Variants in NR3C1 observed in about 807,000 individuals in gnomAD.
NR3C1 encodes nuclear receptor subfamily 3 group C member 1.
In NR3C1, 14 loss-of-function variants were observed where a neutral mutation model predicts 74.0. The observed-to-expected ratio is 0.19, with a 90% CI of 0.12 to 0.30. The LOEUF (loss-of-function observed/expected upper bound fraction) is 0.30, where lower values mean the gene tolerates loss of function less well. Among genes scored for constraint, NR3C1 ranks in the 10% least tolerant of loss-of-function variants. The pLI, the probability that NR3C1 is intolerant of heterozygous loss-of-function variation, is 1.00. For missense variants in NR3C1, 695 were observed against 909.8 expected (o/e 0.76, Z 3.04); for synonymous variants, 308 against 332.5 (o/e 0.93, Z 0.80).
upstream of NR3C1, chr5:143,405,233 G>A: frequency 1.0e-6 from 1 of 985,676 alleles, no homozygotes; most frequent in Non-Finnish European, 1.2e-6. Context: ...TAACTTTTGC[G>A]CCCCCACAGG....
chr5:143,298,323 C>G (rs1187988255), intron 6 of NR3C1, among the ~76,000 whole-genome samples: 1 of 152,200 alleles, frequency 6.6e-6, no homozygotes, highest in African/African-American at 2.4e-5. Flanking sequence ...CCCACTGAAT[C>G]CACATGAGTT....
intron 2 of NR3C1, among the ~76,000 whole-genome samples, chr5:143,369,783 A>C (rs1833933979): frequency 6.6e-6 from 1 of 152,222 alleles, no homozygotes; most frequent in South Asian, 2.1e-4. Flanking sequence ...AAACTGTTCT[A>C]CGGTGAAGTT....
At chr5:143,294,367 G>A (rs1816650383) in intron 7 of NR3C1, 3 of 883,008 alleles carry the variant, frequency 3.4e-6, no homozygotes, top group Non-Finnish European at 4.1e-6. Context: ...ATGGCCTAAG[G>A]TTTATAATAC....
At chr5:143,378,446 A>G (rs1031506354) in intron 2 of NR3C1, among the ~76,000 whole-genome samples, 5 of 152,192 alleles carry the variant, frequency 3.3e-5, no homozygotes, top group Non-Finnish European at 7.3e-5. Context: ...TTCTTCTAAG[A>G]AAAGAAGCTT....
chr5:143,404,051 C>T (rs1415780359), upstream of NR3C1: 5 of 985,488 alleles, frequency 5.1e-6, no homozygotes, highest in Non-Finnish European at 6.0e-6. Flanking sequence ...TCGCTACCTC[C>T]TTCCCGCCCC....
At chr5:143,372,968 A>AAAAAAT (rs1333742415) in intron 2 of NR3C1, among the ~76,000 whole-genome samples, 2 of 152,216 alleles carry the variant, frequency 1.3e-5, no homozygotes, top group Non-Finnish European at 2.9e-5. Context: ...CAAAACAAGC[A>AAAAAAT]AAAAATAAAA....
intron 8 of NR3C1, among the ~76,000 whole-genome samples, 173 bp from the exon 9 acceptor site, chr5:143,282,214 GATTGTATGT>G (rs1813250645): frequency 6.6e-6 from 1 of 152,076 alleles, no homozygotes; most frequent in Non-Finnish European, 1.5e-5. Flanking sequence ...ATATTTCTTT[GATTGTATGT>G]AGAATTATAT....
chr5:143,412,267 G>A (rs1237200497), intron 1 of NR3C1, among the ~76,000 whole-genome samples: 1 of 145,240 alleles, frequency 6.9e-6, no homozygotes, highest in South Asian at 2.4e-4. Flanking sequence ...AAAGTGCAGG[G>A]GGGGAGGGGG....
At chr5:143,308,738 A>G (rs139498233) in intron 4 of NR3C1, among the ~76,000 whole-genome samples, 2 of 152,254 alleles carry the variant, frequency 1.3e-5, no homozygotes, top group East Asian at 1.9e-4. Flanking sequence ...CTGTGGCCCT[A>G]TGCCCTCTAT....
intron 2 of NR3C1, among the ~76,000 whole-genome samples, chr5:143,362,526 A>AT (rs1832464946): frequency 2.0e-5 from 3 of 151,276 alleles, no homozygotes; most frequent in Admixed American, 1.3e-4. Flanking sequence ...ACAGCCACCT[A>AT]TTTTTTCGTA....
chr5:143,333,069 G>T, intron 2 of NR3C1: 3 of 1,594,740 alleles, frequency 1.9e-6, no homozygotes, highest in Non-Finnish European at 2.5e-6. Flanking sequence ...CCTCATTCAT[G>T]AAATTGCCTT....
chr5:143,398,100 T>G (rs557225438), intron 2 of NR3C1, among the ~76,000 whole-genome samples: 1 of 151,978 alleles, frequency 6.6e-6, no homozygotes, highest in African/African-American at 2.4e-5. Flanking sequence ...CAACCGTACT[T>G]AACTCTTTTA....
chr5:143,338,487 G>A (rs2151733434), intron 2 of NR3C1, among the ~76,000 whole-genome samples: 1 of 152,180 alleles, frequency 6.6e-6, no homozygotes, highest in Non-Finnish European at 1.5e-5. Context: ...ACATGTGAAG[G>A]TTGAACACTG....
upstream of NR3C1, chr5:143,405,176 G>C (rs1357314662): frequency 1.0e-6 from 1 of 985,484 alleles, no homozygotes; most frequent in African/African-American, 1.7e-5. Flanking sequence ...TATGATTTTT[G>C]TGACTCTGGG....
chr5:143,366,419 A>C, intron 2 of NR3C1, among the ~76,000 whole-genome samples: 1 of 151,888 alleles, frequency 6.6e-6, no homozygotes, highest in East Asian at 1.9e-4. Context: ...CTGAGGCAGG[A>C]GAATCTCTTG....
intron 2 of NR3C1, among the ~76,000 whole-genome samples, chr5:143,377,606 C>T (rs2151875917): frequency 6.6e-6 from 1 of 152,234 alleles, no homozygotes; most frequent in East Asian, 1.9e-4. Context: ...TCTTTCCTCC[C>T]TATGAGCACG....
exon 1 of NR3C1, chr5:143,435,114 A>G: frequency 1.0e-6 from 1 of 985,426 alleles, no homozygotes; most frequent in Non-Finnish European, 1.2e-6. Context: ...CATGCTCAAC[A>G]AGGATTTGAA....
chr5:143,420,746 C>G (rs969721939), intron 1 of NR3C1, among the ~76,000 whole-genome samples: 1 of 152,064 alleles, frequency 6.6e-6, no homozygotes, highest in East Asian at 1.9e-4. Context: ...TCAATAGTGC[C>G]GAGGCTGAGA....
At chr5:143,428,109 T>A (rs1402121317) in intron 1 of NR3C1, among the ~76,000 whole-genome samples, 3 of 152,210 alleles carry the variant, frequency 2.0e-5, no homozygotes, top group Non-Finnish European at 4.4e-5. Flanking sequence ...TTATAGGACT[T>A]ACAAGAAAAG....
Sources: allele counts gnomAD v4.1 joint callset (sites outside exome capture counted in the v4.1 genomes callset), GRCh38; gene constraint gnomAD v4.1.1; transcripts MANE v1.5; gene names NCBI Gene and HGNC (gene_info 2026-07-23, HGNC 2026-07-21).